DRC1: variants seen among roughly 807,000 people sequenced by gnomAD.
The protein encoded by DRC1 is dynein regulatory complex protein 1.
In DRC1, 74 loss-of-function variants were observed where a neutral mutation model predicts 98.7. The observed-to-expected ratio is 0.75, with a 90% CI of 0.62 to 0.91. DRC1 has a LOEUF of 0.91. Among genes scored for constraint, DRC1 ranks in the 40% least tolerant of loss-of-function variants. DRC1 has a pLI of 0.00. For missense variants in DRC1, 875 were observed against 886.0 expected, an observed-to-expected ratio of 0.99 and a Z score of 0.16; for synonymous variants, 336 against 334.1, an observed-to-expected ratio of 1.01 and a Z score of -0.06.
chr2:26,436,480 T>A (rs1478388638), intron 7 of DRC1, among the ~76,000 whole-genome samples: 1 of 150,562 alleles, frequency 6.6e-6, no homozygotes, highest in Non-Finnish European at 1.5e-5. Context: ...CCTGGCTAAT[T>A]TAAATTTTTT....
chr2:26,424,032 G>A (rs1160126678), intron 3 of DRC1, among the ~76,000 whole-genome samples: 3 of 152,104 alleles, frequency 2.0e-5, no homozygotes, highest in African/African-American at 4.8e-5. Context: ...GTGTGTGTGT[G>A]TAGCCTTAAT....
Position 26,456,608 on chromosome 2 carries a change from G to A in DRC1, c.*91G>A. 2 of 1,498,856 alleles carry A rather than the reference G, an allele frequency of 1.3e-6. No homozygotes were observed. Among genetic ancestry groups the A allele is most frequent in the East Asian group, 2.3e-5 (1 of 43,944 alleles). 92.8% of individuals were successfully genotyped at this position (1,498,856 alleles called of 1,614,324 possible). On this transcript the variant is annotated 3_prime_UTR_variant, in exon 17 of 17. Transcript: ENST00000288710. ...CATATCACCCACTGGGCCGCACCTG[G>A]GCCTGCTCTCTGGATTTTCCAGGGC... is the stretch of plus-strand genomic sequence containing the variant.
At position 26,429,204 on chromosome 2, in the gene DRC1, ATT is replaced by A. The variant is rs1663365499; in HGVS notation, c.541-423_541-422del. Among the ~76,000 whole-genome samples, 3 of 25,942 alleles carry A rather than the reference ATT, an allele frequency of 1.2e-4. No homozygotes were observed. In the Non-Finnish European group the frequency reaches 2.3e-3, roughly 20 times the overall value. The allele number at this position is 25,942 out of a possible 152,430, so 17.0% of individuals were successfully genotyped here. A position where few individuals can be genotyped will look rare whatever the true frequency, so the allele number is the denominator to read the frequency against. On this transcript the variant is annotated intron_variant, in intron 4 of 16. Coordinates refer to ENST00000288710, the MANE Select transcript of DRC1 (RefSeq NM_145038.5). The stretch of plus-strand genomic sequence containing the variant: ...ACAGATGATTATTATTATTATTATT[ATT>A]ATTATTATTATTATTATTATTATTA...
Position 26,402,089 on chromosome 2 carries a change from G to GAGCGCATCCAGGCCC in DRC1, c.101_115dup (p.Ala38_Arg39insGlnArgIleGlnAla). The GAGCGCATCCAGGCCC allele has an allele frequency of 6.2e-7, 1 of 1,612,924 alleles. No individual in the cohort carries two copies. The highest frequency in any genetic ancestry group is 8.5e-7 in the Non-Finnish European group (1 of 1,179,670). On this transcript the variant is annotated inframe_insertion, in exon 1 of 17. Transcript: ENST00000288710. ...CTCGGTCCACTCCGACAACTCTCAG[G>GAGCGCATCCAGGCCC]AGCGCATCCAGGCCCGGCGCCTCCG...
At chr2:26,452,118 C>T (rs555935475) in intron 13 of DRC1, among the ~76,000 whole-genome samples, 70 of 151,356 alleles carry the variant, frequency 4.6e-4, no homozygotes, top group African/African-American at 1.5e-3. Context: ...CTTGATAACA[C>T]AGCAAGTATA....
chr2:26,415,504 C>A (rs1453163940), intron 2 of DRC1, among the ~76,000 whole-genome samples: 2 of 152,168 alleles, frequency 1.3e-5, no homozygotes, highest in East Asian at 1.9e-4. Context: ...GAATATCTCA[C>A]ACTGTGTTAG....
chr2:26,410,245 A>T (rs1274167327), intron 1 of DRC1, among the ~76,000 whole-genome samples: 1 of 142,996 alleles, frequency 7.0e-6, no homozygotes, highest in South Asian at 2.2e-4. Context: ...TATAGAGAAA[A>T]TATTATTATT....
chr2:26,414,297 T>G (rs1285461084), intron 1 of DRC1, 47 bp from the exon 2 acceptor site: 5 of 1,598,666 alleles, frequency 3.1e-6, no homozygotes, highest in Admixed American at 1.7e-5. Context: ...AATATAGAAT[T>G]TACGTATTAG....
chr2:26,421,621 C>T (rs968997318), intron 3 of DRC1, among the ~76,000 whole-genome samples: 6 of 142,628 alleles, frequency 4.2e-5, no homozygotes, highest in Non-Finnish European at 6.0e-5. Context: ...AGTGCAATGA[C>T]GTGATCTCGG....
chr2:26,444,399 A>T (rs1294656330), intron 9 of DRC1, 43 bp downstream of exon 9: 3 of 1,595,036 alleles, frequency 1.9e-6, no homozygotes, highest in Non-Finnish European at 2.6e-6. Context: ...CCTAGCATAG[A>T]GGTGACGGGG....
chr2:26,445,094 C>A, intron 10 of DRC1, 146 bp downstream of exon 10: 3 of 901,526 alleles, frequency 3.3e-6, no homozygotes, highest in Non-Finnish European at 3.3e-6. Context: ...TAATTTATAG[C>A]TTTGCTCTCT....
chr2:26,409,138 C>T (rs979923334), intron 1 of DRC1, among the ~76,000 whole-genome samples: 1 of 151,654 alleles, frequency 6.6e-6, no homozygotes, highest in African/African-American at 2.4e-5. Context: ...TGCTATGTTG[C>T]CCAGGCTAGT....
chr2:26,417,229 T>G (rs531604773), intron 2 of DRC1, among the ~76,000 whole-genome samples: 2 of 152,148 alleles, frequency 1.3e-5, no homozygotes, highest in Non-Finnish European at 2.9e-5. Flanking sequence ...CCAATTCCAC[T>G]CAGTTTTAAT....
At chr2:26,444,590 C>G (rs1663803181) in intron 9 of DRC1, 126 bp from the exon 10 acceptor site, 1 of 1,077,838 alleles carries the variant, frequency 9.3e-7, no homozygotes, top group Admixed American at 2.8e-5. Context: ...AATCAGCCGC[C>G]CAGGGATGGG....
At chr2:26,424,222 G>C in intron 3 of DRC1, 49 bp from the exon 4 acceptor site, 4 of 1,606,986 alleles carry the variant, frequency 2.5e-6, no homozygotes, top group Non-Finnish European at 3.4e-6. Flanking sequence ...TCTACTGGAA[G>C]GCAGCATCTG....
chr2:26,407,692 A>G (rs1311087211), intron 1 of DRC1, among the ~76,000 whole-genome samples: 1 of 152,104 alleles, frequency 6.6e-6, no homozygotes, highest in Non-Finnish European at 1.5e-5. Context: ...CCAACCTGAC[A>G]ACAACCCTGG....
intron 10 of DRC1, among the ~76,000 whole-genome samples, chr2:26,445,949 C>T (rs560083765): frequency 2.0e-4 from 31 of 152,224 alleles, no homozygotes; most frequent in South Asian, 8.3e-4. Context: ...TGAGCCACCA[C>T]GCTTGGCTAG....
intron 2 of DRC1, among the ~76,000 whole-genome samples, chr2:26,418,455 T>C (rs529501418): frequency 7.0e-6 from 1 of 143,704 alleles, no homozygotes; most frequent in South Asian, 2.1e-4. Flanking sequence ...CTAGGACTTT[T>C]AAATTGTCAT....
chr2:26,430,728 C>A, intron 5 of DRC1, 58 bp from the exon 6 acceptor site: 1 of 1,568,944 alleles, frequency 6.4e-7, no homozygotes, highest in Non-Finnish European at 8.8e-7. Context: ...TTCTTTGACA[C>A]TGGTGGGACC....
Sources: gnomAD v4.1 joint callset for allele counts (sites outside exome capture counted in the v4.1 genomes callset) on GRCh38, gnomAD v4.1.1 for gene constraint, MANE v1.5 for transcripts, NCBI Gene and HGNC (gene_info 2026-07-23, HGNC 2026-07-21) for gene names.